The following RNASE4 variants were observed in gnomAD, a reference collection of about 807,000 sequenced individuals.
RNASE4 encodes ribonuclease A family member 4, also known as ribonuclease 4.
For synonymous variants in RNASE4, 93 were observed against 71.4 expected (o/e 1.30, Z -1.52); for missense variants, 194 against 192.8 (o/e 1.01, Z -0.04).
At chr14:20,698,285 T>C (rs908079198) in intron 1 of RNASE4, among the ~76,000 whole-genome samples, 1 of 151,950 alleles carries the variant, frequency 6.6e-6, no homozygotes, top group African/African-American at 2.4e-5. Flanking sequence ...CCAACAACTA[T>C]TGACAAGACA....
Position 20,699,785 on chromosome 14 carries a change from C to T in RNASE4, c.414C>T (p.Asn138=). The change falls in exon 2 of 2, where the codon AAC becomes AAT. Residue 138 remains asparagine (N), a synonymous_variant. Transcript: ENST00000555835. Reference sequence around the variant, plus strand: ...GTGTTGTCATTGCCTGTGAGGGTAACCCACAGGTGCCTGTGCACTTTGACG... The same window carrying T: ...GTGTTGTCATTGCCTGTGAGGGTAATCCACAGGTGCCTGTGCACTTTGACG... The part of the protein sequence containing the change: ...TRRVVIACEG[N]PQVPVHFDG 1 of 1,612,538 alleles carries T rather than the reference C, an allele frequency of 6.2e-7. No homozygotes were observed. The highest frequency in any genetic ancestry group is 8.5e-7 in the Non-Finnish European group (1 of 1,179,954).
At chr14:20,688,040 TG>T (rs1355651078) in intron 1 of RNASE4, among the ~76,000 whole-genome samples, 1 of 152,196 alleles carries the variant, frequency 6.6e-6, no homozygotes, top group African/African-American at 2.4e-5. Flanking sequence ...ACGCAAGCAA[TG>T]GATCTACAGC....
At chr14:20,693,282 T>A (rs576652455) in intron 1 of RNASE4, among the ~76,000 whole-genome samples, 11 of 152,234 alleles carry the variant, frequency 7.2e-5, no homozygotes, top group Non-Finnish European at 1.5e-4. Context: ...ATGTTACGAC[T>A]GATAGAGAAA....
rs1887258192 is a variant in RNASE4 at position 20,700,511 on chromosome 14, A to G, written c.*696A>G. ...AGTAAGTCAAAGTACTAAAAAATGT[A>G]CTAGATCATTAAGACTTATGTGCTC... is the stretch of plus-strand genomic sequence containing the variant. On this transcript the variant is annotated 3_prime_UTR_variant, in exon 2 of 2. Coordinates refer to ENST00000555835, the MANE Select transcript of RNASE4 (RefSeq NM_002937.5). 6.0e-6 allele frequency: 1 copy of G among 167,100 alleles called. No individual in the cohort carries two copies. Among genetic ancestry groups the G allele is most frequent in the South Asian group, 2.1e-4 (1 of 4,826 alleles). 10.4% of individuals were successfully genotyped at this position (167,100 alleles called of 1,614,324 possible).
intron 1 of RNASE4, among the ~76,000 whole-genome samples, chr14:20,696,419 T>G: frequency 6.6e-6 from 1 of 152,130 alleles, no homozygotes; most frequent in East Asian, 1.9e-4. Context: ...GTGAATCAAT[T>G]GAAGAATTGA....
intron 1 of RNASE4, among the ~76,000 whole-genome samples, chr14:20,697,215 A>G (rs989415478): frequency 6.6e-6 from 1 of 152,250 alleles, no homozygotes; most frequent in African/African-American, 2.4e-5. Context: ...TTGCTAAACC[A>G]TATTTTTGGT....
Position 20,693,934 on chromosome 14 carries a change from T to A in RNASE4, c.-17-5421T>A, listed in dbSNP as rs373324416. 2.3e-5 allele frequency: 37 copies of A among 1,613,846 alleles called. 1 individual carries two copies. Among genetic ancestry groups the A allele is most frequent in the Non-Finnish European group, 3.0e-5 (35 of 1,180,012 alleles). On this transcript the variant is annotated intron_variant, in intron 1 of 1. Transcript: ENST00000555835. ...ATGCCAGTACCGAGCCACAGCGGGGTTCAGAAACGTTGTTGTTGCTTGTGA... is the reference window on the plus strand; with the variant it reads ...ATGCCAGTACCGAGCCACAGCGGGGATCAGAAACGTTGTTGTTGCTTGTGA...
intron 1 of RNASE4, among the ~76,000 whole-genome samples, chr14:20,686,419 A>C (rs1395324388): frequency 6.6e-6 from 1 of 152,232 alleles, no homozygotes; most frequent in Non-Finnish European, 1.5e-5. Flanking sequence ...TGTGACTCAA[A>C]TTAAAGTAGC....
At chr14:20,693,506 G>A (rs559790840) in intron 1 of RNASE4, 3 of 1,604,274 alleles carry the variant, frequency 1.9e-6, no homozygotes, top group African/African-American at 1.3e-5. Context: ...ATTTGGTGAT[G>A]CTGTTCTTGG....
At chr14:20,691,862 T>C (rs1425283477) in intron 1 of RNASE4, among the ~76,000 whole-genome samples, 3 of 152,216 alleles carry the variant, frequency 2.0e-5, no homozygotes, top group African/African-American at 7.2e-5. Context: ...CATGTAACCA[T>C]AGAACATTGG....
rs1354457628 is a variant in RNASE4 at position 20,700,353 on chromosome 14, G to A, written c.*538G>A. 1.2e-5 allele frequency: 2 copies of A among 167,112 alleles called. No homozygotes were observed. Among genetic ancestry groups the A allele is most frequent in the African/African-American group, 2.4e-5 (1 of 41,420 alleles). The allele number at this position is 167,112 out of a possible 1,614,324, so 10.4% of individuals were successfully genotyped here. On this transcript the variant is annotated 3_prime_UTR_variant, in exon 2 of 2. Transcript: ENST00000555835. Reference sequence around the variant, plus strand: ...ATCCTTAAAATTCACCTGTCAGGGAGGCATTAAAAATTTGGAAATGTATGC... The same window carrying A: ...ATCCTTAAAATTCACCTGTCAGGGAAGCATTAAAAATTTGGAAATGTATGC...
intron 1 of RNASE4, among the ~76,000 whole-genome samples, chr14:20,698,378 G>A (rs1255162078): frequency 6.6e-6 from 1 of 152,134 alleles, no homozygotes; most frequent in Non-Finnish European, 1.5e-5. Context: ...GAAACAGCAA[G>A]GAGAAGAAGA....
chr14:20,686,035 G>C (rs886942175), intron 1 of RNASE4, among the ~76,000 whole-genome samples: 1 of 105,246 alleles, frequency 9.5e-6, no homozygotes, highest in Non-Finnish European at 1.9e-5. Flanking sequence ...GCAAGACTCC[G>C]TCTTAAAAAA....
chr14:20,694,058 TC>T, intron 1 of RNASE4: 3 of 1,604,128 alleles, frequency 1.9e-6, no homozygotes, highest in Non-Finnish European at 2.6e-6. Flanking sequence ...GCCTTCCATT[TC>T]CCCTCTGCAC....
rs141398857 is a variant in RNASE4 at position 20,693,920 on chromosome 14, G to A, written c.-17-5435G>A. On this transcript the variant is annotated intron_variant, in intron 1 of 1. Transcript: ENST00000555835. ...TCCCCCTGGCCTCCATGCCAGTACC[G>A]AGCCACAGCGGGGTTCAGAAACGTT... The A allele has an allele frequency of 5.0e-6, 8 of 1,613,978 alleles. No homozygotes were observed. The highest frequency in any genetic ancestry group is 2.2e-5 in the East Asian group (1 of 44,892).
At position 20,699,385 on chromosome 14, in the gene RNASE4, G is replaced by A; in HGVS notation, c.14G>A (p.Arg5Lys). 2 of 1,601,888 alleles carry A rather than the reference G, an allele frequency of 1.2e-6. No homozygotes were observed. The highest frequency in any genetic ancestry group is 2.2e-5 in the South Asian group (2 of 90,182). The change falls in exon 2 of 2, where the codon AGG (arginine) becomes AAG (lysine). Residue 5 changes from arginine (R) to lysine (K), a missense_variant. By Grantham distance (26) the Arg-to-Lys change is conservative. Transcript: ENST00000555835. The part of the protein sequence containing the change: MALQ[R>K]THSLLLLLLL... ...TCTAAGATACTGATGGCTCTGCAGA[G>A]GACCCATTCATTGCTTCTGCTTTTG... is the stretch of plus-strand genomic sequence containing the variant.
rs1015846505 is a variant in RNASE4, at chr14:20,691,095, A to G, written c.-18+6337A>G. 3.3e-5 allele frequency among the ~76,000 whole-genome samples: 5 copies of G among 152,354 alleles called. No homozygotes were observed. The East Asian group carries it at 7.7e-4, about 23-fold the overall frequency. On this transcript the variant is annotated intron_variant, in intron 1 of 1. Coordinates refer to ENST00000555835, the MANE Select transcript of RNASE4 (RefSeq NM_002937.5). ...GACAGAGATTCTAAACAGGTTCACC[A>G]GCTCATACTCCCTTCTGTGAACAGC...
rs121909542 is a variant in RNASE4, at chr14:20,693,719, G to A, written c.-17-5636G>A. ...GGCCGGGATGACAGATACTGTGAAA[G>A]CATCATGAGGAGACGGGGCCTGACC... On this transcript the variant is annotated intron_variant, in intron 1 of 1. Coordinates refer to ENST00000555835, the MANE Select transcript of RNASE4 (RefSeq NM_002937.5). The A allele has an allele frequency of 1.8e-5, 29 of 1,614,068 alleles. No homozygotes were observed. Among genetic ancestry groups the A allele is most frequent in the Non-Finnish European group, 2.5e-5 (29 of 1,180,040 alleles).
chr14:20,689,784 T>TGGC (rs1393112976), intron 1 of RNASE4, among the ~76,000 whole-genome samples: 1 of 151,156 alleles, frequency 6.6e-6, no homozygotes, highest in African/African-American at 2.4e-5. Context: ...AGCGTGGTGG[T>TGGC]GGCCGCCTGT....
Sources: gnomAD v4.1 joint callset for allele counts (sites outside exome capture counted in the v4.1 genomes callset) on GRCh38, gnomAD v4.1.1 for gene constraint, MANE v1.5 for transcripts, NCBI Gene and HGNC (gene_info 2026-07-23, HGNC 2026-07-21) for gene names.